Variants in DNMT1 observed in about 807,000 individuals in gnomAD.
DNMT1 encodes the protein DNA methyltransferase 1.
In DNMT1, 24 loss-of-function variants were observed where a neutral mutation model predicts 205.3. The observed-to-expected ratio is 0.12, with a 90% confidence interval of 0.08 to 0.16. The LOEUF (loss-of-function observed/expected upper bound fraction) is 0.16. Ranked by LOEUF, DNMT1 falls within the 10% of genes least tolerant of loss-of-function variation. The pLI is 1.00. For missense variants in DNMT1, 1,293 were observed against 2,177.7 expected, an observed-to-expected ratio of 0.59 and a Z score of 8.09; for synonymous variants, 817 against 839.8, an observed-to-expected ratio of 0.97 and a Z score of 0.47.
In DNMT1 at chr19:10,133,373, A is replaced by C. The variant is rs1164675429; in HGVS notation, c.*294T>G. On this transcript the variant is annotated 3_prime_UTR_variant, in exon 41 of 41. Coordinates refer to ENST00000359526, the MANE Select transcript of DNMT1 (RefSeq NM_001130823.3). This position sits in a 1 kb window ranked among gnomAD's most constrained non-coding sequence, Gnocchi z 4.1. ...GTTTATAGGAGAGATTTATTTGAAGAAATATTACAACATATAAAAACTACA... is the reference window on the plus strand; with the variant it reads ...GTTTATAGGAGAGATTTATTTGAAGCAATATTACAACATATAAAAACTACA... 1 of 488,356 alleles carries C rather than the reference A, an allele frequency of 2.0e-6. No individual in the cohort carries two copies. Among genetic ancestry groups the C allele is most frequent in the Non-Finnish European group, 3.7e-6 (1 of 271,730 alleles). The allele number at this position is 488,356 out of a possible 1,614,324, so 30.3% of individuals were successfully genotyped here.
In DNMT1 at chr19:10,135,593, C is replaced by T. The variant is rs1472867036; in HGVS notation, c.4773+143G>A. On this transcript the variant is annotated intron_variant, in intron 39 of 40. Transcript: ENST00000359526. ...GTCTCAGCACTGTCCCTCCTGTGGGCCGTCTTCCCACTGAGAGTGATGGGG... is the reference window on the plus strand; with the variant it reads ...GTCTCAGCACTGTCCCTCCTGTGGGTCGTCTTCCCACTGAGAGTGATGGGG... The T allele has an allele frequency of 8.5e-6, 7 of 821,078 alleles. No homozygotes were observed. The Middle Eastern group carries it at 1.4e-3, about 160-fold the overall frequency. 50.9% of individuals were successfully genotyped at this position (821,078 alleles called of 1,614,324 possible). A position where few individuals can be genotyped will look rare whatever the true frequency, so the allele number is the denominator to read the frequency against.
intron 8 of DNMT1, 79 bp from the exon 9 acceptor site, chr19:10,173,253 T>C (rs1469284755): frequency 7.0e-7 from 1 of 1,426,850 alleles, no homozygotes; most frequent in Non-Finnish European, 9.9e-7. Context: ...AAAGCTCCTC[T>C]TTCCCCCAAA....
At position 10,172,681 on chromosome 19, in the gene DNMT1, G is replaced by A. The variant is rs374341995; in HGVS notation, c.768+409C>T. 1.3e-4 allele frequency among the ~76,000 whole-genome samples: 20 copies of A among 152,026 alleles called. No homozygotes were observed. The East Asian group carries it at 1.7e-3, about 13-fold the overall frequency. ...TCCACTAAAATTAGCCGAGTATGGC[G>A]GCGGGCGCCTGTAGTCCCAGTGACT... On this transcript the variant is annotated intron_variant, in intron 9 of 40. Transcript: ENST00000359526.
intron 1 of DNMT1, 45 bp downstream of exon 1, chr19:10,194,775 C>T: frequency 6.3e-7 from 1 of 1,578,238 alleles, no homozygotes; most frequent in Non-Finnish European, 8.6e-7. Flanking sequence ...CCACCCAGCG[C>T]CCTGCCTGTC....
Position 10,160,161 on chromosome 19 carries a change from C to T in DNMT1, c.1044-98G>A, listed in dbSNP as rs1350682970. The T allele has an allele frequency of 2.5e-6, 4 of 1,593,080 alleles. No homozygotes were observed. In the African/African-American group the frequency reaches 5.4e-5, roughly 21 times the overall value. ...GTTTCTGCCTGAGGTGCCTGTGGCA[C>T]AGGGAGGCACCGGCTGTGGCAGTGA... On this transcript the variant is annotated intron_variant, in intron 14 of 40. Transcript: ENST00000359526.
chr19:10,187,447 A>G (rs1311287620), intron 1 of DNMT1, among the ~76,000 whole-genome samples: 1 of 151,758 alleles, frequency 6.6e-6, no homozygotes, highest in Non-Finnish European at 1.5e-5. Context: ...TACAAGAAAG[A>G]ATAATTAGCT....
chr19:10,192,393 T>C (rs1304107976), intron 1 of DNMT1, among the ~76,000 whole-genome samples: 1 of 152,142 alleles, frequency 6.6e-6, no homozygotes, highest in Non-Finnish European at 1.5e-5. Flanking sequence ...CCCATGTCAT[T>C]ATTCCTAGAC....
chr19:10,139,722 C>T lies in DNMT1; in HGVS notation c.3902G>A (p.Arg1301His), dbSNP rs1010743136. ...CTGATAGCCCATGCGGACCAGGCAG[C>T]GGAGGGTGAGCTTCAGGACCATGGA... is the stretch of plus-strand genomic sequence containing the variant. ...KRSMVLKLTL[R>H]CLVRMGYQCT... is the part of the protein sequence containing the mutation. Residue 1301 changes from arginine (R) to histidine (H), a missense_variant, in exon 34 of 41, where the codon CGC becomes CAC. Arg to His is a conservative substitution (Grantham distance 29, BLOSUM62 0). Transcript: ENST00000359526. 17 of 1,613,568 alleles carry T rather than the reference C, an allele frequency of 1.1e-5. No homozygotes were observed. Among genetic ancestry groups the T allele is most frequent in the South Asian group, 1.1e-5 (1 of 90,940 alleles).
intron 11 of DNMT1, among the ~76,000 whole-genome samples, chr19:10,165,776 A>G (rs941770296): frequency 6.6e-6 from 1 of 152,188 alleles, no homozygotes; most frequent in Non-Finnish European, 1.5e-5. Flanking sequence ...GGCAGGGAGT[A>G]ATGTGACTAC....
At chr19:10,160,138 T>C in intron 14 of DNMT1, 75 bp from the exon 15 acceptor site, 1 of 1,602,360 alleles carries the variant, frequency 6.2e-7, no homozygotes. Context: ...CCTGTGAGGT[T>C]TCTGCCTGAG....
At position 10,140,806 on chromosome 19, in the gene DNMT1, C is replaced by G; in HGVS notation, c.3498G>C (p.Gly1166=). Residue 1166 remains glycine, a synonymous_variant, in exon 32 of 41, where the codon GGG becomes GGC. Transcript: ENST00000359526. The surrounding 1 kb of genome is among the most constrained non-coding windows in gnomAD (Gnocchi z 8.4). ...CTGCTTGGTGGAATCCCTCCGACAA[C>G]CCCCCGCAGCCAGAAAACACATCCA... ...RTLDVFSGCG[G]LSEGFHQAGI... is the part of the protein sequence containing the mutation. 1 of 1,614,062 alleles carries G rather than the reference C, an allele frequency of 6.2e-7. No individual in the cohort carries two copies.
intron 12 of DNMT1, 25 bp from the exon 13 acceptor site, chr19:10,162,773 A>C (rs1460352688): frequency 6.2e-7 from 1 of 1,612,982 alleles, no homozygotes; most frequent in Non-Finnish European, 8.5e-7. Flanking sequence ...GATACACAGC[A>C]AGTAGCAGCT....
At chr19:10,148,851 C>T in intron 27 of DNMT1, 33 bp downstream of exon 27, 1 of 1,613,808 alleles carries the variant, frequency 6.2e-7, no homozygotes. Context: ...GCTGAAAGTG[C>T]CTGCTGACCC....
chr19:10,161,710 T>C (rs1005397205), intron 13 of DNMT1, among the ~76,000 whole-genome samples: 1 of 152,156 alleles, frequency 6.6e-6, no homozygotes, highest in East Asian at 1.9e-4. Context: ...CCGAGTCATG[T>C]CCCCTGCAAA....
intron 5 of DNMT1, chr19:10,179,859 GC>G (rs1419620512): frequency 1.2e-5 from 2 of 169,142 alleles, no homozygotes; most frequent in East Asian, 3.3e-4. Flanking sequence ...GCATGGTGGT[GC>G]CCGCCTGTAA....
chr19:10,169,295 C>T (rs1487897367), intron 9 of DNMT1, among the ~76,000 whole-genome samples: 1 of 149,674 alleles, frequency 6.7e-6, no homozygotes, highest in Non-Finnish European at 1.5e-5. Context: ...GTAATCCCAG[C>T]ACTTTGGGAG....
At chr19:10,161,582 G>A (rs979057704) in intron 13 of DNMT1, among the ~76,000 whole-genome samples, 3 of 152,132 alleles carry the variant, frequency 2.0e-5, no homozygotes, top group East Asian at 1.9e-4. Flanking sequence ...AGGAGTTTGC[G>A]GCTATGGTAG....
chr19:10,173,007 C>G (rs2038852484), intron 9 of DNMT1, 83 bp downstream of exon 9: 1 of 1,520,976 alleles, frequency 6.6e-7, no homozygotes, highest in Admixed American at 1.7e-5. Context: ...GTTCCCCACC[C>G]CCTGTCCCCA....
intron 8 of DNMT1, 109 bp from the exon 9 acceptor site, chr19:10,173,283 G>A: frequency 9.2e-7 from 1 of 1,090,750 alleles, no homozygotes; most frequent in Non-Finnish European, 1.4e-6. Context: ...CATTATCTCA[G>A]GAGCCCTGAC....
Sources: gnomAD v4.1 joint callset for allele counts (sites outside exome capture counted in the v4.1 genomes callset) on GRCh38, gnomAD v4.1.1 for gene constraint, Gnocchi (gnomAD v3.1) non-coding constraint, MANE v1.5 for transcripts, NCBI Gene and HGNC (gene_info 2026-07-23, HGNC 2026-07-21) for gene names.